Variants in ZPBP observed in about 807,000 individuals in gnomAD.
ZPBP encodes zona pellucida-binding protein 1.
A neutral mutation model predicts 44.8 loss-of-function variants in ZPBP; 26 were observed. That is an observed-to-expected ratio of 0.58 (90% CI 0.43 to 0.81). The LOEUF (loss-of-function observed/expected upper bound fraction) is 0.81. Ranked by LOEUF, ZPBP falls within the 30% of genes least tolerant of loss-of-function variation. The probability of loss-of-function intolerance (pLI) is 0.00; values close to 1 mark genes in which losing one functional copy is unlikely to be tolerated. For missense variants in ZPBP, 409 were observed against 434.0 expected, an observed-to-expected ratio of 0.94 and a Z score of 0.51; for synonymous variants, 174 against 153.2, an observed-to-expected ratio of 1.14 and a Z score of -1.00.
intron 3 of ZPBP, among the ~76,000 whole-genome samples, chr7:50,067,420 T>C (rs1430018281): frequency 6.6e-6 from 1 of 152,188 alleles, no homozygotes; most frequent in Non-Finnish European, 1.5e-5. Flanking sequence ...TAAATATTTG[T>C]CCTTTGGTCT....
At chr7:49,934,868 T>C (rs1458314163), downstream of ZPBP, among the ~76,000 whole-genome samples, 2 of 152,160 alleles carry the variant, frequency 1.3e-5, no homozygotes, top group Non-Finnish European at 1.5e-5. Flanking sequence ...AAATAAAAAC[T>C]GGGAATTATA....
rs529845562 is a variant in ZPBP, at chr7:50,088,038, C to G, written c.208+1591G>C. Among the ~76,000 whole-genome samples, 6 of 151,988 alleles carry G rather than the reference C, an allele frequency of 3.9e-5. No homozygotes were observed. The South Asian group carries it at 1.2e-3, about 32-fold the overall frequency. ...TAATGATTTCAAAACTTATTATAAG[C>G]AACAATAATCAAGATAGCAAAGTAT... On this transcript the variant is annotated intron_variant, in intron 2 of 7. Coordinates refer to ENST00000046087, the MANE Select transcript of ZPBP (RefSeq NM_007009.3).
At chr7:50,077,111 T>G (rs1802133343) in intron 3 of ZPBP, among the ~76,000 whole-genome samples, 1 of 151,892 alleles carries the variant, frequency 6.6e-6, no homozygotes, top group Non-Finnish European at 1.5e-5. Flanking sequence ...TACGGTGAAT[T>G]CATTTTTGAC....
the ZPBP span, among the ~76,000 whole-genome samples, chr7:49,843,971 A>G: frequency 6.6e-6 from 1 of 152,320 alleles, no homozygotes; most frequent in Non-Finnish European, 1.5e-5. Context: ...ACAGGGGCCT[A>G]TGTGTAAGGG....
rs143925962 is a variant in ZPBP at position 49,859,134 on chromosome 7, C to T, written n.510-8620G>A. Among the ~76,000 whole-genome samples the T allele has an allele frequency of 3.3e-3, 502 of 152,274 alleles. 2 individuals carry two copies. Among genetic ancestry groups the T allele is most frequent in the African/African-American group, 0.011 (476 of 41,568 alleles). ...TTAGAGGAGAATTTCACTGATGGGG[C>T]ATGTGTGTCTTCAACGTTACTCAGC... On this transcript the variant is annotated intron_variant and non_coding_transcript_variant, in intron 2 of 2. Coordinates refer to the ZPBP transcript ENST00000465922.
intron 7 of ZPBP, chr7:49,943,977 TA>T: frequency 3.3e-6 from 1 of 302,020 alleles, no homozygotes; most frequent in South Asian, 3.7e-5. Context: ...CACTTGCAAA[TA>T]AATTTGGTTG....
chr7:50,027,027 G>A (rs966049593), intron 5 of ZPBP, among the ~76,000 whole-genome samples: 18 of 151,898 alleles, frequency 1.2e-4, no homozygotes, highest in Non-Finnish European at 2.4e-4. Flanking sequence ...AGTGAACACG[G>A]AACGTTAAGT....
chr7:49,840,958 G>A, the ZPBP span, among the ~76,000 whole-genome samples: 2 of 152,162 alleles, frequency 1.3e-5, no homozygotes, highest in Non-Finnish European at 2.9e-5. Flanking sequence ...GGGATGCAAA[G>A]AACAGACTCA....
intron 3 of ZPBP, among the ~76,000 whole-genome samples, chr7:50,065,837 T>C (rs891630805): frequency 6.6e-6 from 1 of 151,076 alleles, no homozygotes; most frequent in African/African-American, 2.4e-5. Flanking sequence ...TCTAGTCTTT[T>C]TGACAATTAG....
chr7:49,990,767 C>T (rs184552854), intron 6 of ZPBP, among the ~76,000 whole-genome samples: 36 of 152,314 alleles, frequency 2.4e-4, no homozygotes, highest in African/African-American at 8.7e-4. Flanking sequence ...ATCTGTCCTA[C>T]TGGCCATGCC....
At chr7:50,025,441 G>T (rs547337006) in intron 5 of ZPBP, among the ~76,000 whole-genome samples, 5 of 151,806 alleles carry the variant, frequency 3.3e-5, no homozygotes, top group Middle Eastern at 3.4e-3. Flanking sequence ...CAGACAAAGA[G>T]ACCAATGTAA....
chr7:49,865,122 A>G (rs1344667671), intron 2 of ZPBP, among the ~76,000 whole-genome samples: 1 of 152,200 alleles, frequency 6.6e-6, no homozygotes, highest in Non-Finnish European at 1.5e-5. Context: ...CCATGTAAAG[A>G]TGTAATTGAT....
At chr7:50,090,856 TA>T (rs1356968025) in intron 1 of ZPBP, among the ~76,000 whole-genome samples, 34 of 152,254 alleles carry the variant, frequency 2.2e-4, no homozygotes, top group African/African-American at 7.9e-4. Context: ...GATCCAGTGG[TA>T]GTTCTACTTT....
At chr7:49,926,195 C>G (rs1794229836) in intron 1 of ZPBP, among the ~76,000 whole-genome samples, 1 of 152,196 alleles carries the variant, frequency 6.6e-6, no homozygotes. Context: ...GCTGGTGCTG[C>G]TTAGAGAACA....
chr7:49,934,366 AT>A (rs1407032193), downstream of ZPBP, among the ~76,000 whole-genome samples: 1 of 151,978 alleles, frequency 6.6e-6, no homozygotes, highest in Non-Finnish European at 1.5e-5. Flanking sequence ...TACTATTTTA[AT>A]TTTTCAAAGT....
chr7:49,973,507 C>T (rs1166637247), intron 7 of ZPBP, among the ~76,000 whole-genome samples: 1 of 151,838 alleles, frequency 6.6e-6, no homozygotes, highest in Non-Finnish European at 1.5e-5. Flanking sequence ...AAAAAGGCAA[C>T]CTAATTTAAA....
intron 1 of ZPBP, chr7:49,913,988 T>A (rs1286552295): frequency 6.6e-6 from 1 of 152,176 alleles, no homozygotes. Context: ...TTCATGAAAA[T>A]ACTCAGGGGA....
Position 50,074,281 on chromosome 7 carries a change from T to C in ZPBP, c.334+7493A>G, listed in dbSNP as rs535551292. On this transcript the variant is annotated intron_variant, in intron 3 of 7. Coordinates refer to ENST00000046087, the MANE Select transcript of ZPBP (RefSeq NM_007009.3). ...TAACCTAAAACCGAAAAGCATACAA[T>C]GGATACACAAAAAATAAAAAGCAAG... is the stretch of plus-strand genomic sequence containing the variant. Among the ~76,000 whole-genome samples the C allele has an allele frequency of 4.6e-5, 7 of 151,676 alleles. No homozygotes were observed. In the East Asian group the frequency reaches 5.8e-4, roughly 13 times the overall value.
chr7:50,071,963 GA>G (rs1372909065), intron 3 of ZPBP, among the ~76,000 whole-genome samples: 1 of 152,158 alleles, frequency 6.6e-6, no homozygotes, highest in Non-Finnish European at 1.5e-5. Context: ...TGGCTATGGG[GA>G]AAAACTCCTT....
Sources: allele counts gnomAD v4.1 joint callset (sites outside exome capture counted in the v4.1 genomes callset), GRCh38; gene constraint gnomAD v4.1.1; transcripts MANE v1.5; gene names NCBI Gene and HGNC (gene_info 2026-07-23, HGNC 2026-07-21).